The following CADM2 variants were observed in gnomAD, a reference collection of about 807,000 sequenced individuals.
CADM2 encodes cell adhesion molecule 2, also known as immunoglobulin superfamily member 4D.
In CADM2, 12 loss-of-function variants were observed where a neutral mutation model predicts 49.8. The observed-to-expected ratio is 0.24, with a 90% CI of 0.15 to 0.39. CADM2 has a LOEUF of 0.39. Ranked by LOEUF, CADM2 falls within the 10% of genes least tolerant of loss-of-function variation. The pLI, the probability that CADM2 is intolerant of heterozygous loss-of-function variation, is 1.00. For missense variants in CADM2, 378 were observed against 492.3 expected (o/e 0.77, Z 2.20); for synonymous variants, 214 against 175.4 (o/e 1.22, Z -1.74).
At chr3:85,336,830 A>G (rs2045091167) in intron 1 of CADM2, among the ~76,000 whole-genome samples, 2 of 148,054 alleles carry the variant, frequency 1.4e-5, no homozygotes, top group South Asian at 2.1e-4. Flanking sequence ...GCTGATAAAA[A>G]TATCAAGAAC....
intron 1 of CADM2, among the ~76,000 whole-genome samples, chr3:85,558,121 G>A (rs1221845560): frequency 6.6e-6 from 1 of 152,012 alleles, no homozygotes; most frequent in Non-Finnish European, 1.5e-5. Flanking sequence ...GAGTGTGTGT[G>A]TGTGTAAGAG....
At chr3:86,018,704 G>A (rs1299666086) in intron 8 of CADM2, among the ~76,000 whole-genome samples, 8 of 152,022 alleles carry the variant, frequency 5.3e-5, no homozygotes, top group Non-Finnish European at 7.4e-5. Flanking sequence ...CATGTCCTTC[G>A]CCCACTTTTT....
chr3:85,038,519 T>A (rs1345709635), intron 1 of CADM2, among the ~76,000 whole-genome samples: 1 of 152,210 alleles, frequency 6.6e-6, no homozygotes, highest in Non-Finnish European at 1.5e-5. Context: ...TTAGATCTGA[T>A]GTGTGACCTA....
chr3:85,933,474 C>A (rs1720841729), intron 6 of CADM2, among the ~76,000 whole-genome samples: 1 of 152,094 alleles, frequency 6.6e-6, no homozygotes, highest in Non-Finnish European at 1.5e-5. Flanking sequence ...CTGGCACATT[C>A]CCCGCTCAAT....
intron 1 of CADM2, among the ~76,000 whole-genome samples, chr3:85,158,752 TAGTG>T (rs988279329): frequency 1.3e-5 from 2 of 151,974 alleles, no homozygotes; most frequent in East Asian, 1.9e-4. Flanking sequence ...GATGACGAGT[TAGTG>T]GGTGCAGCAC....
intron 8 of CADM2, among the ~76,000 whole-genome samples, chr3:86,059,161 C>T (rs984902687): frequency 2.0e-5 from 3 of 151,176 alleles, no homozygotes; most frequent in African/African-American, 4.9e-5. Context: ...TTTCTACATA[C>T]TGTTATCTTA....
intron 1 of CADM2, among the ~76,000 whole-genome samples, chr3:85,680,655 A>G (rs1356812632): frequency 6.6e-6 from 1 of 152,162 alleles, no homozygotes; most frequent in Non-Finnish European, 1.5e-5. Flanking sequence ...GAGACGTTTT[A>G]TGATTATTTT....
At chr3:85,712,787 G>T (rs533497772) in intron 1 of CADM2, among the ~76,000 whole-genome samples, 1 of 152,030 alleles carries the variant, frequency 6.6e-6, no homozygotes, top group East Asian at 1.9e-4. Flanking sequence ...ATTTGGCACA[G>T]AAATCTAGGT....
chr3:85,492,644 A>C (rs186300531), intron 1 of CADM2, among the ~76,000 whole-genome samples: 2 of 152,308 alleles, frequency 1.3e-5, no homozygotes, highest in Admixed American at 6.5e-5. Context: ...GTAAAGATAC[A>C]TTCAGTTTAA....
chr3:85,884,000 T>C (rs1358935306), intron 4 of CADM2, among the ~76,000 whole-genome samples: 1 of 152,218 alleles, frequency 6.6e-6, no homozygotes, highest in Non-Finnish European at 1.5e-5. Flanking sequence ...AAGTACCTAA[T>C]GTCGCTTCAG....
intron 1 of CADM2, among the ~76,000 whole-genome samples, chr3:85,488,411 C>T (rs1250367242): frequency 5.9e-5 from 9 of 152,146 alleles, no homozygotes; most frequent in African/African-American, 2.2e-4. Context: ...ACATGGTAGC[C>T]GTGATGGGAA....
At chr3:85,716,835 G>A (rs1370802973) in intron 1 of CADM2, among the ~76,000 whole-genome samples, 1 of 152,096 alleles carries the variant, frequency 6.6e-6, no homozygotes, top group Non-Finnish European at 1.5e-5. Context: ...TGAGGCCTCT[G>A]TTCTGTTCCA....
intron 1 of CADM2, among the ~76,000 whole-genome samples, chr3:85,053,975 TTC>T (rs1266821428): frequency 2.0e-5 from 3 of 151,992 alleles, no homozygotes; most frequent in Admixed American, 2.0e-4. Flanking sequence ...GTGATATTTC[TTC>T]TGTTAAAAGA....
intron 1 of CADM2, among the ~76,000 whole-genome samples, chr3:85,576,382 C>CGATTGCT (rs1184647354): frequency 6.6e-6 from 1 of 152,000 alleles, no homozygotes; most frequent in Non-Finnish European, 1.5e-5. Context: ...GAACATCCGA[C>CGATTGCT]GATTGCTGGA....
At chr3:86,018,834 T>C (rs1254318612) in intron 8 of CADM2, among the ~76,000 whole-genome samples, 1 of 151,528 alleles carries the variant, frequency 6.6e-6, no homozygotes, top group African/African-American at 2.4e-5. Context: ...GGTTGCCTGT[T>C]CACTCTGATG....
chr3:85,701,686 C>T (rs2066758241), intron 1 of CADM2, among the ~76,000 whole-genome samples: 1 of 152,114 alleles, frequency 6.6e-6, no homozygotes, highest in African/African-American at 2.4e-5. Flanking sequence ...CTTTTTCAGT[C>T]ATTTTCCTAG....
At chr3:85,782,503 C>A (rs2070714763) in intron 2 of CADM2, among the ~76,000 whole-genome samples, 1 of 151,606 alleles carries the variant, frequency 6.6e-6, no homozygotes, top group East Asian at 2.0e-4. Flanking sequence ...AGTGAAACCC[C>A]ATCTCTACTA....
intron 1 of CADM2, among the ~76,000 whole-genome samples, chr3:85,551,518 C>G (rs2061801920): frequency 6.6e-6 from 1 of 152,102 alleles, no homozygotes; most frequent in African/African-American, 2.4e-5. Context: ...ACATTTCTCT[C>G]ATTTCTTTAA....
intron 1 of CADM2, among the ~76,000 whole-genome samples, chr3:85,135,076 G>T (rs1306312945): frequency 6.6e-6 from 1 of 151,782 alleles, no homozygotes. Context: ...TTATTCATAA[G>T]TAAATATAAA....
Sources: gnomAD v4.1 joint callset for allele counts (sites outside exome capture counted in the v4.1 genomes callset) on GRCh38, gnomAD v4.1.1 for gene constraint, MANE v1.5 for transcripts, NCBI Gene and HGNC (gene_info 2026-07-23, HGNC 2026-07-21) for gene names.